UNC13C: variants seen among roughly 807,000 people sequenced by gnomAD.
UNC13C encodes unc-13 homolog C, also known as protein unc-13 homolog C.
UNC13C carries 174 observed loss-of-function variants against 245.4 expected under a neutral mutation model. That is an observed-to-expected ratio of 0.71 (90% CI 0.63 to 0.80). The LOEUF is 0.80. Among genes scored for constraint, UNC13C ranks in the 30% least tolerant of loss-of-function variants. The pLI, the probability that UNC13C is intolerant of heterozygous loss-of-function variation, is 0.00. For synonymous variants in UNC13C, 992 were observed against 895.1 expected (o/e 1.11, Z -1.93); for missense variants, 2,829 against 2,602.9 (o/e 1.09, Z -1.89).
chr15:53,931,247 C>T, the UNC13C span, among the ~76,000 whole-genome samples: 1 of 152,168 alleles, frequency 6.6e-6, no homozygotes, highest in East Asian at 1.9e-4. Context: ...TGGTTCACTG[C>T]AACCTCTGCC....
rs540037406 is a variant in UNC13C at position 54,041,254 on chromosome 15, TATC to T, written c.2983+25371_2983+25373del. On this transcript the variant is annotated intron_variant, in intron 2 of 32. Transcript: ENST00000260323. ...TTCCCATATCATAAAAATCCTTAAA[TATC>T]ATTTTAATTGGTAGTCAAATATTTC... is the stretch of plus-strand genomic sequence containing the variant. Among the ~76,000 whole-genome samples, 16 of 152,308 alleles carry T rather than the reference TATC, an allele frequency of 1.1e-4. No homozygotes were observed. The South Asian group carries it at 2.3e-3, about 22-fold the overall frequency.
intron 17 of UNC13C, among the ~76,000 whole-genome samples, chr15:54,371,623 T>G (rs1173197117): frequency 6.6e-6 from 1 of 152,162 alleles, no homozygotes; most frequent in Admixed American, 6.5e-5. Context: ...TCTCCAATCT[T>G]ATTTCCATGT....
At chr15:54,494,497 TA>T in intron 19 of UNC13C, 110 bp from the exon 20 acceptor site, 1 of 1,061,196 alleles carries the variant, frequency 9.4e-7, no homozygotes, top group Non-Finnish European at 1.3e-6. Context: ...CCTTTACATC[TA>T]ATATACTATT....
chr15:54,179,715 C>A (rs745632839), intron 4 of UNC13C, among the ~76,000 whole-genome samples: 2 of 151,666 alleles, frequency 1.3e-5, no homozygotes, highest in Non-Finnish European at 2.9e-5. Flanking sequence ...ATTTAAAAAC[C>A]AAATCAATAT....
At chr15:54,411,063 T>A (rs376540325) in intron 18 of UNC13C, among the ~76,000 whole-genome samples, 7 of 152,304 alleles carry the variant, frequency 4.6e-5, no homozygotes, top group African/African-American at 1.4e-4. Context: ...TAGTATCACA[T>A]CATAATTTTA....
intron 30 of UNC13C, among the ~76,000 whole-genome samples, chr15:54,580,204 A>G (rs1041306083): frequency 2.6e-5 from 4 of 152,208 alleles, no homozygotes; most frequent in Non-Finnish European, 5.9e-5. Context: ...GAAACTGCAG[A>G]CTACTGCCTC....
chr15:54,367,889 T>C (rs1051687354), intron 17 of UNC13C, among the ~76,000 whole-genome samples: 12 of 152,184 alleles, frequency 7.9e-5, no homozygotes, highest in African/African-American at 2.9e-4. Context: ...AAGTTTGTAC[T>C]TTATTTACGT....
chr15:54,321,307 A>G (rs1187013381), intron 13 of UNC13C: 2 of 471,678 alleles, frequency 4.2e-6, no homozygotes, highest in African/African-American at 4.0e-5. Context: ...TACTGTTCAA[A>G]ATAATCTCTT....
At chr15:54,290,122 C>A (rs1438826697) in intron 10 of UNC13C, among the ~76,000 whole-genome samples, 1 of 152,086 alleles carries the variant, frequency 6.6e-6, no homozygotes, top group Non-Finnish European at 1.5e-5. Flanking sequence ...CTCACTCTTA[C>A]CTTTGCTCTG....
chr15:54,288,532 C>T (rs2037209124), intron 10 of UNC13C, among the ~76,000 whole-genome samples: 1 of 151,524 alleles, frequency 6.6e-6, no homozygotes, highest in Non-Finnish European at 1.5e-5. Context: ...GTGCAGGGAC[C>T]CAGGAATTAC....
At chr15:54,211,851 C>A (rs533983835) in intron 4 of UNC13C, among the ~76,000 whole-genome samples, 1 of 152,084 alleles carries the variant, frequency 6.6e-6, no homozygotes, top group African/African-American at 2.4e-5. Context: ...CAGGATGCAG[C>A]GTTATTTTTC....
intron 29 of UNC13C, 96 bp from the exon 30 acceptor site, chr15:54,567,704 T>C: frequency 8.6e-7 from 1 of 1,168,074 alleles, no homozygotes; most frequent in East Asian, 2.6e-5. Context: ...ATTGATCAAA[T>C]TGTATTATTC....
At chr15:53,870,647 A>G in the UNC13C span, among the ~76,000 whole-genome samples, 1 of 152,158 alleles carries the variant, frequency 6.6e-6, no homozygotes, top group South Asian at 2.1e-4. Context: ...GTCCTAACTC[A>G]TAAAAACACC....
At chr15:54,550,656 C>T (rs1481895862) in intron 28 of UNC13C, among the ~76,000 whole-genome samples, 1 of 152,182 alleles carries the variant, frequency 6.6e-6, no homozygotes, top group Admixed American at 6.6e-5. Context: ...AACCAGTAAT[C>T]CATCTGGAAG....
the UNC13C span, among the ~76,000 whole-genome samples, chr15:53,966,633 C>A: frequency 6.6e-6 from 1 of 151,800 alleles, no homozygotes; most frequent in Admixed American, 6.6e-5. Context: ...TTTATTTTTT[C>A]CTTATGAATG....
chr15:53,971,751 A>G, the UNC13C span, among the ~76,000 whole-genome samples: 3 of 152,156 alleles, frequency 2.0e-5, no homozygotes, highest in Non-Finnish European at 2.9e-5. Flanking sequence ...AATTCTTACT[A>G]TGATCCTATC....
chr15:54,091,546 T>C (rs1232916848), intron 2 of UNC13C, among the ~76,000 whole-genome samples: 2 of 152,172 alleles, frequency 1.3e-5, no homozygotes, highest in Non-Finnish European at 2.9e-5. Flanking sequence ...TTTCCATCTT[T>C]GTAAATTTTT....
intron 13 of UNC13C, among the ~76,000 whole-genome samples, chr15:54,320,293 T>C (rs1442663790): frequency 6.6e-6 from 1 of 152,004 alleles, no homozygotes; most frequent in Admixed American, 6.6e-5. Flanking sequence ...GCGCAGTTGC[T>C]TTCCGATGGT....
chr15:54,352,702 G>A (rs1157216366), intron 17 of UNC13C, among the ~76,000 whole-genome samples: 1 of 152,074 alleles, frequency 6.6e-6, no homozygotes, highest in African/African-American at 2.4e-5. Context: ...AGACTAGATT[G>A]TAATAATCCA....
Sources: allele counts gnomAD v4.1 joint callset (sites outside exome capture counted in the v4.1 genomes callset), GRCh38; gene constraint gnomAD v4.1.1; transcripts MANE v1.5; gene names NCBI Gene and HGNC (gene_info 2026-07-23, HGNC 2026-07-21).